The following ACSL5 variants were observed in gnomAD, a reference collection of about 807,000 sequenced individuals.
ACSL5 encodes the protein long-chain-fatty-acid--CoA ligase 5.
Under a neutral mutation model 84.9 loss-of-function variants are expected in ACSL5, and 50 were observed. The observed-to-expected ratio is 0.59, with a 90% CI of 0.47 to 0.75. ACSL5 has a LOEUF of 0.75. ACSL5 is among the 30% of genes least tolerant of loss of function. The probability of loss-of-function intolerance (pLI) is 0.00; values close to 1 mark genes in which losing one functional copy is unlikely to be tolerated. For missense variants in ACSL5, 775 were observed against 830.4 expected, an observed-to-expected ratio of 0.93 and a Z score of 0.82; for synonymous variants, 280 against 300.7, an observed-to-expected ratio of 0.93 and a Z score of 0.71.
chr10:112,411,610 A>T, intron 10 of ACSL5, 81 bp downstream of exon 10: 1 of 1,222,864 alleles, frequency 8.2e-7, no homozygotes. Context: ...TAGAGCAGGC[A>T]GACACACACA....
At chr10:112,385,991 G>A (rs1287723637) in intron 1 of ACSL5, among the ~76,000 whole-genome samples, 1 of 152,000 alleles carries the variant, frequency 6.6e-6, no homozygotes, top group Non-Finnish European at 1.5e-5. Flanking sequence ...GAGTAAGAGA[G>A]TAGACAGCTT....
chr10:112,396,505 G>T (rs1031951288), intron 2 of ACSL5: 5 of 152,198 alleles, frequency 3.3e-5, no homozygotes, highest in African/African-American at 7.2e-5. Context: ...GCCAGATTCA[G>T]CCTGCAGATT....
chr10:112,401,845 TTC>T (rs879363648), intron 3 of ACSL5, among the ~76,000 whole-genome samples: 11,676 of 95,576 alleles, frequency 0.12, 601 homozygotes, highest in East Asian at 0.24. Flanking sequence ...TCTTTCTTCC[TTC>T]CTTCCTTCCT....
At chr10:112,385,543 G>T (rs145725310) in intron 1 of ACSL5, among the ~76,000 whole-genome samples, 14 of 152,306 alleles carry the variant, frequency 9.2e-5, no homozygotes, top group Non-Finnish European at 1.9e-4. Context: ...CGAGGAAAAG[G>T]CATGTCATTT....
intron 1 of ACSL5, among the ~76,000 whole-genome samples, chr10:112,392,758 T>G (rs920921261): frequency 9.3e-5 from 12 of 129,202 alleles, no homozygotes; most frequent in African/African-American, 3.1e-4. Flanking sequence ...AAAAAAAAAA[T>G]TAAAGAATTA....
At position 112,412,069 on chromosome 10, in the gene ACSL5, CTGTTCTT is replaced by C. The variant is rs1844191708; in HGVS notation, c.948+92_948+98del. 5.3e-6 allele frequency: 7 copies of C among 1,326,416 alleles called. No individual in the cohort carries two copies. In the South Asian group the frequency reaches 8.3e-5, roughly 16 times the overall value. 82.2% of individuals were successfully genotyped at this position (1,326,416 alleles called of 1,614,324 possible). A position where few individuals can be genotyped will look rare whatever the true frequency, so the allele number is the denominator to read the frequency against. ...TCCAAAGGCAGCTACACAGTATTTA[CTGTTCTT>C]TCTCCGGTGTGAGAGGTGCAGGCAA... On this transcript the variant is annotated intron_variant, in intron 11 of 20. Transcript: ENST00000354655.
At chr10:112,396,951 G>C (rs768140127) in intron 2 of ACSL5, among the ~76,000 whole-genome samples, 2 of 152,138 alleles carry the variant, frequency 1.3e-5, no homozygotes, top group Admixed American at 1.3e-4. Context: ...ACATCCTCGT[G>C]TGTTTTCCTG....
intron 1 of ACSL5, among the ~76,000 whole-genome samples, chr10:112,384,227 AC>A (rs1849406390): frequency 6.6e-6 from 1 of 151,332 alleles, no homozygotes; most frequent in African/African-American, 2.4e-5. Context: ...CCCCTGCTGT[AC>A]CCCCAGTTCT....
chr10:112,383,921 G>A (rs753306972), intron 1 of ACSL5, among the ~76,000 whole-genome samples: 12 of 152,002 alleles, frequency 7.9e-5, no homozygotes, highest in Admixed American at 5.9e-4. Context: ...CACCAGGCGC[G>A]GTGGTTCATG....
chr10:112,412,106 T>G, intron 11 of ACSL5, 127 bp downstream of exon 11: 1 of 984,478 alleles, frequency 1.0e-6, no homozygotes, highest in Non-Finnish European at 1.6e-6. Flanking sequence ...AGGCAAGGAG[T>G]TGGCTCATGG....
At chr10:112,403,984 C>A (rs1236963817) in intron 3 of ACSL5, among the ~76,000 whole-genome samples, 4 of 152,162 alleles carry the variant, frequency 2.6e-5, no homozygotes, top group Non-Finnish European at 5.9e-5. Flanking sequence ...GTATTATATT[C>A]ATTCTATACA....
intron 5 of ACSL5, among the ~76,000 whole-genome samples, chr10:112,407,043 G>A (rs1844055657): frequency 6.6e-6 from 1 of 152,042 alleles, no homozygotes; most frequent in Admixed American, 6.5e-5. Context: ...AGAAAATGAG[G>A]AAGAAGCAAA....
In ACSL5 at chr10:112,413,180, T is replaced by C. The variant is rs931787956; in HGVS notation, c.956T>C (p.Val319Ala). 49 of 1,614,022 alleles carry C rather than the reference T, an allele frequency of 3.0e-5. No homozygotes were observed. The highest frequency in any genetic ancestry group is 4.2e-5 in the Non-Finnish European group (49 of 1,179,994). ...ATTTGGTTTTGTTTTCAGGCTGTTG[T>C]GTACAGCTGTGGAGCCAGAGTTGGA... is the stretch of plus-strand genomic sequence containing the variant. The part of the protein sequence containing the change: ...HMFERIVQAV[V>A]YSCGARVGFF... Residue 319 changes from valine to alanine, a missense_variant, in exon 12 of 21, where the codon GTG becomes GCG. Coordinates refer to ENST00000354655, the MANE Select transcript of ACSL5 (RefSeq NM_203379.2).
At chr10:112,390,570 A>G (rs1429405945) in intron 1 of ACSL5, among the ~76,000 whole-genome samples, 1 of 152,212 alleles carries the variant, frequency 6.6e-6, no homozygotes, top group African/African-American at 2.4e-5. Flanking sequence ...TTCAAACAAA[A>G]ACTGTATAGA....
Position 112,427,967 on chromosome 10 carries a change from T to C in ACSL5, c.*609T>C, listed in dbSNP as rs569447259. On this transcript the variant is annotated 3_prime_UTR_variant, in exon 21 of 21. Coordinates refer to ENST00000354655, the MANE Select transcript of ACSL5 (RefSeq NM_203379.2). ...GGGAAAAGTTTGATCATACCAAACATTTCCTAAACTCTCTAGTTAGATATC... is the reference window on the plus strand; with the variant it reads ...GGGAAAAGTTTGATCATACCAAACACTTCCTAAACTCTCTAGTTAGATATC... 5.0e-4 allele frequency: 77 copies of C among 154,194 alleles called. No homozygotes were observed. Among genetic ancestry groups the C allele is most frequent in the Admixed American group, 1.1e-3 (17 of 15,316 alleles). 9.6% of individuals were successfully genotyped at this position (154,194 alleles called of 1,614,324 possible). A position where few individuals can be genotyped will look rare whatever the true frequency, so the allele number is the denominator to read the frequency against.
In ACSL5 at chr10:112,422,320, T is replaced by C; in HGVS notation, c.1477-5T>C. On this transcript the variant is annotated splice_polypyrimidine_tract_variant and splice_region_variant and intron_variant, in intron 16 of 20. Coordinates refer to ENST00000354655, the MANE Select transcript of ACSL5 (RefSeq NM_203379.2). ...TTGTCACCGCCTTGTATGTCTGCTG[T>C]GCAGGTCTGCATCAAGGGTACAAAC... 6.2e-7 allele frequency: 1 copy of C among 1,611,698 alleles called. No homozygotes were observed. The highest frequency in any genetic ancestry group is 8.5e-7 in the Non-Finnish European group (1 of 1,178,288).
Position 112,426,314 on chromosome 10 carries a change from C to G in ACSL5, c.1794C>G (p.Ala598=). The change falls in exon 19 of 21, where the codon GCC becomes GCG. Residue 598 remains alanine (A), a synonymous_variant. Coordinates refer to ENST00000354655, the MANE Select transcript of ACSL5 (RefSeq NM_203379.2). ...CAGATGTACTTCCCTCATTTGCAGC[C>G]AAGCTTGGGGTGAAGGGCTCCTTTG... ...PDTDVLPSFA[A]KLGVKGSFEE... 7 of 1,614,052 alleles carry G rather than the reference C, an allele frequency of 4.3e-6. No individual in the cohort carries two copies. Among genetic ancestry groups the G allele is most frequent in the Non-Finnish European group, 5.9e-6 (7 of 1,180,004 alleles).
intron 1 of ACSL5, among the ~76,000 whole-genome samples, chr10:112,381,260 A>G (rs931747842): frequency 2.6e-5 from 4 of 152,216 alleles, no homozygotes; most frequent in African/African-American, 9.6e-5. Context: ...TTCTAGGACT[A>G]GATAGACCCA....
intron 5 of ACSL5, among the ~76,000 whole-genome samples, chr10:112,407,140 T>C (rs1405733620): frequency 1.3e-5 from 2 of 152,226 alleles, no homozygotes; most frequent in Non-Finnish European, 2.9e-5. Context: ...GCACCCATGA[T>C]TGAATTACCT....
Sources: gnomAD v4.1 joint callset for allele counts (sites outside exome capture counted in the v4.1 genomes callset) on GRCh38, gnomAD v4.1.1 for gene constraint, MANE v1.5 for transcripts, NCBI Gene and HGNC (gene_info 2026-07-23, HGNC 2026-07-21) for gene names.